GRID2: variants seen among roughly 807,000 people sequenced by gnomAD.
The protein encoded by GRID2 is glutamate receptor ionotropic, delta-2.
GRID2 carries 33 observed loss-of-function variants against 114.8 expected under a neutral mutation model. The observed-to-expected ratio is 0.29, with a 90% CI of 0.22 to 0.38. The LOEUF (loss-of-function observed/expected upper bound fraction) is 0.38. Among genes scored for constraint, GRID2 ranks in the 10% least tolerant of loss-of-function variants. The probability of loss-of-function intolerance (pLI) is 1.00; values close to 1 mark genes in which losing one functional copy is unlikely to be tolerated. For synonymous variants in GRID2, 505 were observed against 449.9 expected, an observed-to-expected ratio of 1.12 and a Z score of -1.55; for missense variants, 1,184 against 1,257.7, an observed-to-expected ratio of 0.94 and a Z score of 0.89.
At chr4:92,362,706 G>A (rs1579240572) in intron 1 of GRID2, among the ~76,000 whole-genome samples, 1 of 151,960 alleles carries the variant, frequency 6.6e-6, no homozygotes, top group Non-Finnish European at 1.5e-5. Flanking sequence ...TATTTTTTGA[G>A]ACCTAAGAAG....
At chr4:93,211,522 A>G (rs1579304037) in intron 5 of GRID2, among the ~76,000 whole-genome samples, 1 of 152,128 alleles carries the variant, frequency 6.6e-6, no homozygotes, top group Non-Finnish European at 1.5e-5. Flanking sequence ...ATAACTCAAT[A>G]CATGTTAGAA....
chr4:93,738,801 T>C (rs2110245709), intron 14 of GRID2, among the ~76,000 whole-genome samples: 1 of 152,154 alleles, frequency 6.6e-6, no homozygotes, highest in African/African-American at 2.4e-5. Context: ...AAGATTATTA[T>C]AATATGATTA....
chr4:93,314,725 G>GTACA (rs1756396604), intron 8 of GRID2, among the ~76,000 whole-genome samples: 1 of 142,492 alleles, frequency 7.0e-6, no homozygotes, highest in Non-Finnish European at 1.5e-5. Flanking sequence ...AGTTTAAGAT[G>GTACA]TACAACACGA....
chr4:93,525,999 A>G (rs1031847088), intron 13 of GRID2, among the ~76,000 whole-genome samples: 16 of 152,214 alleles, frequency 1.1e-4, no homozygotes, highest in Non-Finnish European at 5.9e-5. Flanking sequence ...AAATGCATAT[A>G]TATTTTTTAA....
chr4:93,375,520 T>C (rs1288710943), intron 8 of GRID2, among the ~76,000 whole-genome samples: 1 of 152,062 alleles, frequency 6.6e-6, no homozygotes, highest in Admixed American at 6.6e-5. Flanking sequence ...CAGGAGTTTT[T>C]CACTGTGATG....
At chr4:92,319,552 A>C (rs2110124250) in intron 1 of GRID2, among the ~76,000 whole-genome samples, 1 of 152,324 alleles carries the variant, frequency 6.6e-6, no homozygotes, top group Non-Finnish European at 1.5e-5. Flanking sequence ...AGGGAAGCTA[A>C]TAGGTTCTCA....
At chr4:92,473,961 TGGTTGTG>T (rs1430971986) in intron 1 of GRID2, among the ~76,000 whole-genome samples, 1 of 103,422 alleles carries the variant, frequency 9.7e-6, no homozygotes, top group Non-Finnish European at 1.9e-5. Context: ...ATTGTTATCT[TGGTTGTG>T]TGTGTGTGTG....
chr4:93,079,775 T>G (rs1487593797), intron 2 of GRID2, among the ~76,000 whole-genome samples: 1 of 152,096 alleles, frequency 6.6e-6, no homozygotes, highest in Non-Finnish European at 1.5e-5. Flanking sequence ...GATCACTAAT[T>G]ATAATTAAAG....
At chr4:92,803,332 T>C (rs1740262945) in intron 2 of GRID2, among the ~76,000 whole-genome samples, 1 of 151,984 alleles carries the variant, frequency 6.6e-6, no homozygotes, top group Admixed American at 6.6e-5. Flanking sequence ...TTAGATATTA[T>C]ACAATGCATA....
At chr4:92,500,955 G>A (rs916951002) in intron 1 of GRID2, among the ~76,000 whole-genome samples, 4 of 152,050 alleles carry the variant, frequency 2.6e-5, no homozygotes, top group African/African-American at 9.7e-5. Flanking sequence ...TCTGTTCTTT[G>A]TTGCTTATCT....
chr4:92,744,784 T>A (rs1437322344), intron 2 of GRID2, among the ~76,000 whole-genome samples: 1 of 152,224 alleles, frequency 6.6e-6, no homozygotes, highest in Non-Finnish European at 1.5e-5. Context: ...CTACTCATTA[T>A]GTTCTACTGT....
intron 2 of GRID2, among the ~76,000 whole-genome samples, chr4:93,035,406 A>G (rs994956091): frequency 6.6e-6 from 1 of 152,094 alleles, no homozygotes; most frequent in Non-Finnish European, 1.5e-5. Context: ...GATCCACTGC[A>G]TCCTGCCTTT....
chr4:92,439,304 T>C (rs1312595183), intron 1 of GRID2, among the ~76,000 whole-genome samples: 1 of 152,166 alleles, frequency 6.6e-6, no homozygotes, highest in Non-Finnish European at 1.5e-5. Context: ...GCAGGGCATA[T>C]TCACTTCTTT....
chr4:92,377,953 C>T (rs751941255), intron 1 of GRID2, among the ~76,000 whole-genome samples: 7 of 151,948 alleles, frequency 4.6e-5, no homozygotes, highest in African/African-American at 7.3e-5. Flanking sequence ...AATATTTCAA[C>T]GTATGTGGTT....
intron 12 of GRID2, among the ~76,000 whole-genome samples, chr4:93,497,510 T>TTTGATGCA (rs1334334384): frequency 2.6e-5 from 4 of 151,858 alleles, no homozygotes; most frequent in African/African-American, 9.7e-5. Flanking sequence ...CATTTACATA[T>TTTGATGCA]TTGATGCATT....
intron 1 of GRID2, among the ~76,000 whole-genome samples, chr4:92,497,369 C>T (rs1311907580): frequency 4.6e-5 from 7 of 151,614 alleles, no homozygotes. Flanking sequence ...TTTAGTTTAT[C>T]CAGGTTGGAG....
chr4:93,462,133 A>C (rs1723803639), intron 11 of GRID2, among the ~76,000 whole-genome samples: 1 of 152,114 alleles, frequency 6.6e-6, no homozygotes, highest in Admixed American at 6.6e-5. Flanking sequence ...TGCCAGGAAC[A>C]TGAGTAGCAA....
intron 2 of GRID2, among the ~76,000 whole-genome samples, chr4:92,646,959 G>C (rs1731670917): frequency 6.7e-6 from 1 of 150,352 alleles, no homozygotes; most frequent in African/African-American, 2.5e-5. Context: ...CTTGGATTTA[G>C]ACATTTTGGA....
At chr4:93,471,098 A>G (rs557074562) in intron 11 of GRID2, among the ~76,000 whole-genome samples, 83 of 152,240 alleles carry the variant, frequency 5.5e-4, no homozygotes, top group Non-Finnish European at 1.0e-3. Flanking sequence ...GATATTATAA[A>G]TAAGATATTA....
Sources: allele counts gnomAD v4.1 joint callset (sites outside exome capture counted in the v4.1 genomes callset), GRCh38; gene constraint gnomAD v4.1.1; transcripts MANE v1.5; gene names NCBI Gene and HGNC (gene_info 2026-07-23, HGNC 2026-07-21).